RELN: variants seen among roughly 807,000 people sequenced by gnomAD.
RELN encodes reelin.
A neutral mutation model predicts 427.6 loss-of-function variants in RELN; 108 were observed. That is an observed-to-expected ratio of 0.25 (90% CI 0.22 to 0.30). RELN has a LOEUF of 0.30. Among genes scored for constraint, RELN ranks in the 10% least tolerant of loss-of-function variants. The pLI is 1.00. For missense variants in RELN, 3,715 were observed against 4,302.8 expected, an observed-to-expected ratio of 0.86 and a Z score of 3.82; for synonymous variants, 1,524 against 1,513.4, an observed-to-expected ratio of 1.01 and a Z score of -0.16.
chr7:103,833,661 C>A lies in RELN; in HGVS notation c.349G>T (p.Asp117Tyr). Residue 117 changes from aspartate (D) to tyrosine (Y), a missense_variant, in exon 3 of 65, where the codon GAC (aspartate) becomes TAC (tyrosine). Asp to Tyr is a radical substitution (Grantham distance 160). This residue lies in a region of RELN where 2,208 missense variants were observed against 2,361.7 expected (regional missense o/e 0.93). Coordinates refer to ENST00000428762, the MANE Select transcript of RELN (RefSeq NM_005045.4). ...SSAFGFGIMS[D>Y]HQFGNQFMCS... ...ATAAACTGGTTACCAAACTGGTGGT[C>A]AGACATGATCCCTAAGAGAAAGGAA... is the stretch of plus-strand genomic sequence containing the variant. 1 of 1,613,606 alleles carries A rather than the reference C, an allele frequency of 6.2e-7. No homozygotes were observed. Among genetic ancestry groups the A allele is most frequent in the South Asian group, 1.1e-5 (1 of 91,022 alleles).
intron 20 of RELN, among the ~76,000 whole-genome samples, chr7:103,617,254 A>G (rs1272947604): frequency 2.6e-5 from 4 of 152,140 alleles, no homozygotes; most frequent in Non-Finnish European, 5.9e-5. Flanking sequence ...AGTTCTTTAT[A>G]CATTGAGGAT....
chr7:103,838,949 AG>A (rs1360263266), intron 2 of RELN, among the ~76,000 whole-genome samples: 1 of 152,248 alleles, frequency 6.6e-6, no homozygotes, highest in Non-Finnish European at 1.5e-5. Flanking sequence ...CAGTGGCACC[AG>A]GAGATTTAAT....
intron 2 of RELN, among the ~76,000 whole-genome samples, chr7:103,865,132 C>CAAAAAAAAAAAAAAAAA (rs386410871): frequency 3.0e-5 from 2 of 67,198 alleles, no homozygotes; most frequent in Non-Finnish European, 2.7e-5. Context: ...GAAACTGTCT[C>CAAAAAAAAAAAAAAAAA]AAAAAAAAAA....
intron 3 of RELN, among the ~76,000 whole-genome samples, chr7:103,821,531 C>T (rs1047132559): frequency 6.6e-6 from 1 of 152,068 alleles, no homozygotes; most frequent in Non-Finnish European, 1.5e-5. Flanking sequence ...CTGAGATGAG[C>T]CAGGCGGTAA....
intron 14 of RELN, among the ~76,000 whole-genome samples, chr7:103,652,237 CT>C (rs1243089267): frequency 6.7e-6 from 1 of 149,156 alleles, no homozygotes; most frequent in Non-Finnish European, 1.5e-5. Flanking sequence ...GGAGGTCAAG[CT>C]TTTTTTCAGT....
chr7:103,540,835 TC>T (rs1830161869), intron 43 of RELN, among the ~76,000 whole-genome samples: 1 of 152,054 alleles, frequency 6.6e-6, no homozygotes, highest in African/African-American at 2.4e-5. Flanking sequence ...CTCCTTAAAC[TC>T]TGAAACTGAA....
At chr7:103,932,197 T>C (rs1795881451) in intron 1 of RELN, among the ~76,000 whole-genome samples, 1 of 152,208 alleles carries the variant, frequency 6.6e-6, no homozygotes, top group Non-Finnish European at 1.5e-5. Context: ...CATGGAATAC[T>C]ACACAGCCAT....
intron 16 of RELN, among the ~76,000 whole-genome samples, chr7:103,648,816 T>C (rs1158361506): frequency 6.6e-6 from 1 of 151,892 alleles, no homozygotes; most frequent in Non-Finnish European, 1.5e-5. Context: ...GACATACAAA[T>C]GACCAACAGG....
chr7:103,773,460 T>TCTCTCTCCCTCGCTCCCTCCCC (rs1791657585), intron 4 of RELN, among the ~76,000 whole-genome samples: 1 of 137,914 alleles, frequency 7.3e-6, no homozygotes, highest in African/African-American at 2.6e-5. Context: ...GCTCCCTCCC[T>TCTCTCTCCCTCGCTCCCTCCCC]CTCTCTCTCT....
At chr7:103,770,371 A>G (rs1244072162) in intron 4 of RELN, among the ~76,000 whole-genome samples, 1 of 152,186 alleles carries the variant, frequency 6.6e-6, no homozygotes, top group African/African-American at 2.4e-5. Context: ...GGCATGAGCC[A>G]CCGCGCCCCG....
At chr7:103,955,374 A>C (rs989870212) in intron 1 of RELN, among the ~76,000 whole-genome samples, 2 of 152,226 alleles carry the variant, frequency 1.3e-5, no homozygotes, top group Non-Finnish European at 2.9e-5. Flanking sequence ...TAGAAATTAA[A>C]ATGAGTAAAA....
At chr7:103,724,282 C>T (rs1790149464) in intron 7 of RELN, among the ~76,000 whole-genome samples, 1 of 151,876 alleles carries the variant, frequency 6.6e-6, no homozygotes, top group Non-Finnish European at 1.5e-5. Flanking sequence ...CTTTGTTAGC[C>T]CTTATATGAC....
At position 103,714,286 on chromosome 7, in the gene RELN, A is replaced by G. The variant is rs1209952762; in HGVS notation, c.805+8854T>C. Among the ~76,000 whole-genome samples, 6 of 152,322 alleles carry G rather than the reference A, an allele frequency of 3.9e-5. No individual in the cohort carries two copies. The South Asian group carries it at 1.2e-3, about 32-fold the overall frequency. ...TTTCTAGTAGCTAGCTTCTTGCTTG[A>G]TAATATTCAAAGCAACTTGTTTTTA... On this transcript the variant is annotated intron_variant, in intron 8 of 64. Coordinates refer to ENST00000428762, the MANE Select transcript of RELN (RefSeq NM_005045.4).
chr7:103,730,067 C>T (rs1426202168), intron 6 of RELN, among the ~76,000 whole-genome samples: 1 of 151,972 alleles, frequency 6.6e-6, no homozygotes, highest in Non-Finnish European at 1.5e-5. Flanking sequence ...GGTTATTTGG[C>T]CTCCAAGTCA....
At chr7:103,577,848 T>G (rs112517807) in intron 28 of RELN, among the ~76,000 whole-genome samples, 63 of 152,324 alleles carry the variant, frequency 4.1e-4, no homozygotes, top group African/African-American at 1.5e-3. Flanking sequence ...TTTTTTATGT[T>G]TCTATGATAG....
At position 103,983,863 on chromosome 7, in the gene RELN, CTGTGTGTGTGTGTGTG is replaced by C. The variant is rs59702742; in HGVS notation, c.226+5252_226+5267del. ...ATGTGACACAAAGAACTTCATATTT[CTGTGTGTGTGTGTGTG>C]TGTGTGTGTGTGTGTGTATGTCTTT... is the stretch of plus-strand genomic sequence containing the variant. On this transcript the variant is annotated intron_variant, in intron 1 of 64. Coordinates refer to ENST00000428762, the MANE Select transcript of RELN (RefSeq NM_005045.4). Among the ~76,000 whole-genome samples, 6 of 148,542 alleles carry C rather than the reference CTGTGTGTGTGTGTGTG, an allele frequency of 4.0e-5. No individual in the cohort carries two copies. In the South Asian group the frequency reaches 6.4e-4, roughly 16 times the overall value.
intron 8 of RELN, among the ~76,000 whole-genome samples, chr7:103,716,983 C>G (rs143418728): frequency 7.9e-5 from 12 of 152,134 alleles, no homozygotes; most frequent in African/African-American, 2.9e-4. Flanking sequence ...ACAGTCCCCC[C>G]AAAATGTTAA....
At chr7:103,788,540 CA>C (rs1792078781) in intron 3 of RELN, among the ~76,000 whole-genome samples, 1 of 152,052 alleles carries the variant, frequency 6.6e-6, no homozygotes, top group Non-Finnish European at 1.5e-5. Flanking sequence ...TCCTATAAAC[CA>C]ATAATAGACA....
intron 2 of RELN, among the ~76,000 whole-genome samples, chr7:103,861,002 G>C (rs1207161098): frequency 6.6e-6 from 1 of 152,088 alleles, no homozygotes; most frequent in Non-Finnish European, 1.5e-5. Context: ...CCTAGTTGAG[G>C]ACAAACAATA....
Sources: allele counts gnomAD v4.1 joint callset (sites outside exome capture counted in the v4.1 genomes callset), GRCh38; gene constraint gnomAD v4.1.1; regional missense constraint gnomAD v4.1.1; transcripts MANE v1.5; gene names NCBI Gene and HGNC (gene_info 2026-07-23, HGNC 2026-07-21).